PTPRN2: variants seen among roughly 807,000 people sequenced by gnomAD.
PTPRN2 encodes receptor-type tyrosine-protein phosphatase N2.
Under a neutral mutation model 118.8 loss-of-function variants are expected in PTPRN2, and 74 were observed. That is an observed-to-expected ratio of 0.62 (90% CI 0.52 to 0.76). The LOEUF (loss-of-function observed/expected upper bound fraction) is 0.76, where lower values mean the gene tolerates loss of function less well. Among genes scored for constraint, PTPRN2 ranks in the 30% least tolerant of loss-of-function variants. The pLI is 0.00. For missense variants in PTPRN2, 1,481 were observed against 1,394.4 expected, an observed-to-expected ratio of 1.06 and a Z score of -0.99; for synonymous variants, 641 against 608.0, an observed-to-expected ratio of 1.05 and a Z score of -0.80.
rs1410376205 is a variant in PTPRN2, at chr7:157,550,430, G to C, written c.2903-1411C>G. On this transcript the variant is annotated intron_variant, in intron 21 of 22. Transcript: ENST00000389418. The surrounding 1 kb of genome is among the most constrained non-coding windows in gnomAD (Gnocchi z 5.2). ...CAAATGTCATGTTTGCATGAAGGGAGAACAAAGCAGGTGGTGTGGAGAATC... is the reference window on the plus strand; with the variant it reads ...CAAATGTCATGTTTGCATGAAGGGACAACAAAGCAGGTGGTGTGGAGAATC... Among the ~76,000 whole-genome samples, 2 of 152,240 alleles carry C rather than the reference G, an allele frequency of 1.3e-5. No homozygotes were observed. Among genetic ancestry groups the C allele is most frequent in the African/African-American group, 4.8e-5 (2 of 41,456 alleles).
chr7:158,068,522 GGTAC>G (rs1810963174), intron 11 of PTPRN2, among the ~76,000 whole-genome samples: 1 of 152,202 alleles, frequency 6.6e-6, no homozygotes, highest in African/African-American at 2.4e-5. Flanking sequence ...GGCCTGCATT[GGTAC>G]GGCTTCACTT....
chr7:158,292,773 A>T (rs1800207036), intron 3 of PTPRN2, among the ~76,000 whole-genome samples: 1 of 152,212 alleles, frequency 6.6e-6, no homozygotes, highest in South Asian at 2.1e-4. Flanking sequence ...ATATGGTATA[A>T]AAGATAAAAA....
chr7:157,829,022 T>C (rs993404347), intron 12 of PTPRN2, among the ~76,000 whole-genome samples: 2 of 152,258 alleles, frequency 1.3e-5, no homozygotes, highest in African/African-American at 4.8e-5. Flanking sequence ...AAACACAATT[T>C]GAATTTCAAA....
intron 10 of PTPRN2, among the ~76,000 whole-genome samples, chr7:158,108,871 G>A (rs1402719743): frequency 6.6e-6 from 1 of 152,266 alleles, no homozygotes; most frequent in East Asian, 1.9e-4. Context: ...TGCCCAGTGA[G>A]CATCTGCTGT....
chr7:157,945,907 G>T (rs1800458161), intron 11 of PTPRN2, among the ~76,000 whole-genome samples: 1 of 152,108 alleles, frequency 6.6e-6, no homozygotes, highest in Non-Finnish European at 1.5e-5. Context: ...GAGCCAAGCT[G>T]GGTGCCTTCC....
intron 3 of PTPRN2, 142 bp downstream of exon 3, chr7:158,316,677 G>A: frequency 1.6e-6 from 1 of 631,584 alleles, no homozygotes; most frequent in Non-Finnish European, 2.7e-6. Context: ...CATGAGCCCA[G>A]CGCCCGGCTC....
chr7:157,909,003 T>C (rs1190213597), intron 11 of PTPRN2, among the ~76,000 whole-genome samples: 1 of 152,174 alleles, frequency 6.6e-6, no homozygotes, highest in African/African-American at 2.4e-5. Context: ...CATTAAACAA[T>C]CTAATTAGTG....
At chr7:158,141,314 G>A (rs145848185) in intron 6 of PTPRN2, among the ~76,000 whole-genome samples, 388 of 152,342 alleles carry the variant, frequency 2.5e-3, no homozygotes, top group African/African-American at 8.7e-3. Context: ...CACAGGGCTC[G>A]ACAGTGGCAC....
At chr7:158,391,316 C>G (rs1003433253) in intron 2 of PTPRN2, among the ~76,000 whole-genome samples, 1 of 152,216 alleles carries the variant, frequency 6.6e-6, no homozygotes, top group Non-Finnish European at 1.5e-5. Flanking sequence ...GCGCCACCCT[C>G]CCTTGTCTGA....
intron 1 of PTPRN2, among the ~76,000 whole-genome samples, chr7:158,511,355 G>A (rs1399907355): frequency 2.0e-5 from 3 of 152,282 alleles, no homozygotes; most frequent in East Asian, 3.9e-4. Flanking sequence ...TAAGTGGATC[G>A]GACAGAGACT....
At chr7:158,401,221 T>TC (rs55677013) in intron 2 of PTPRN2, among the ~76,000 whole-genome samples, 74,183 of 152,046 alleles carry the variant, frequency 0.49, 18,773 homozygotes, top group African/African-American at 0.55. Context: ...AGACCCAGGC[T>TC]CATCCCGTGA....
intron 3 of PTPRN2, among the ~76,000 whole-genome samples, chr7:158,238,057 A>T (rs934624977): frequency 1.3e-5 from 2 of 151,960 alleles, no homozygotes; most frequent in African/African-American, 2.4e-5. Context: ...GCACACACAC[A>T]ATCTCCACAG....
chr7:158,051,384 T>A (rs114950899), intron 11 of PTPRN2, among the ~76,000 whole-genome samples: 5 of 152,106 alleles, frequency 3.3e-5, no homozygotes, highest in Non-Finnish European at 5.9e-5. Context: ...CATCAGAACT[T>A]CCCAAGACTC....
chr7:158,475,082 A>G (rs1393892706), intron 2 of PTPRN2, among the ~76,000 whole-genome samples: 1 of 152,218 alleles, frequency 6.6e-6, no homozygotes, highest in East Asian at 1.9e-4. Context: ...ACAGTCTCCA[A>G]CCTTCTCATG....
chr7:158,112,200 A>G (rs1003781253), intron 9 of PTPRN2, among the ~76,000 whole-genome samples: 1 of 152,226 alleles, frequency 6.6e-6, no homozygotes, highest in Admixed American at 6.5e-5. Context: ...GTCGGCTGAC[A>G]AGTTCTCTGG....
chr7:157,871,094 A>T (rs1811019635), intron 12 of PTPRN2, among the ~76,000 whole-genome samples: 1 of 152,172 alleles, frequency 6.6e-6, no homozygotes, highest in Non-Finnish European at 1.5e-5. Context: ...GGACTTCCTT[A>T]CGAAGAAGCT....
Position 157,837,559 on chromosome 7 carries a change from G to A in PTPRN2, c.1788+61114C>T, listed in dbSNP as rs1040229029. ...TGTGGAGGTCGACTCCCCAGCACAC[G>A]CACCCAGGAACACCCTGGGCTTGAC... On this transcript the variant is annotated intron_variant, in intron 12 of 22. Coordinates refer to ENST00000389418, the MANE Select transcript of PTPRN2 (RefSeq NM_002847.5). 2.0e-5 allele frequency among the ~76,000 whole-genome samples: 3 copies of A among 151,714 alleles called. No individual in the cohort carries two copies. In the South Asian group the frequency reaches 6.3e-4, roughly 32 times the overall value.
intron 22 of PTPRN2, among the ~76,000 whole-genome samples, chr7:157,545,406 GGTGTGTAGGTGT>G (rs1369431952): frequency 1.3e-5 from 2 of 149,320 alleles, no homozygotes; most frequent in Non-Finnish European, 3.0e-5. Flanking sequence ...TGCGTGAGTG[GGTGTGTAGGTGT>G]GTGTGGATGT....
intron 15 of PTPRN2, among the ~76,000 whole-genome samples, chr7:157,620,760 T>C (rs1444307288): frequency 6.6e-6 from 1 of 152,128 alleles, no homozygotes; most frequent in African/African-American, 2.4e-5. Flanking sequence ...AGAGGGGAGA[T>C]TCCCAGGAGG....
Sources: gnomAD v4.1 joint callset for allele counts (sites outside exome capture counted in the v4.1 genomes callset) on GRCh38, gnomAD v4.1.1 for gene constraint, Gnocchi (gnomAD v3.1) non-coding constraint, MANE v1.5 for transcripts, NCBI Gene and HGNC (gene_info 2026-07-23, HGNC 2026-07-21) for gene names.